CDK14: variants seen among roughly 807,000 people sequenced by gnomAD.
CDK14 encodes the protein cyclin dependent kinase 14.
Under a neutral mutation model 60.7 loss-of-function variants are expected in CDK14, and 34 were observed. The observed-to-expected ratio is 0.56, with a 90% CI of 0.43 to 0.75. The LOEUF is 0.75. CDK14 is among the 30% of genes least tolerant of loss of function. The pLI, the probability that CDK14 is intolerant of heterozygous loss-of-function variation, is 0.00. For missense variants in CDK14, 482 were observed against 564.1 expected, an observed-to-expected ratio of 0.85 and a Z score of 1.47; for synonymous variants, 197 against 203.7, an observed-to-expected ratio of 0.97 and a Z score of 0.28.
chr7:91,144,890 G>A (rs1800578619), intron 14 of CDK14, among the ~76,000 whole-genome samples: 2 of 152,156 alleles, frequency 1.3e-5, no homozygotes, highest in Admixed American at 6.5e-5. Flanking sequence ...AGACTTTTGG[G>A]TTATATCCTT....
At chr7:90,896,479 C>A (rs569782856) in intron 6 of CDK14, among the ~76,000 whole-genome samples, 50 of 151,942 alleles carry the variant, frequency 3.3e-4, no homozygotes, top group Non-Finnish European at 3.5e-4. Flanking sequence ...CTTCTTATTC[C>A]GAATTTTTAT....
At chr7:90,749,311 A>G (rs1344934234) in intron 4 of CDK14, among the ~76,000 whole-genome samples, 1 of 151,492 alleles carries the variant, frequency 6.6e-6, no homozygotes, top group African/African-American at 2.4e-5. Context: ...CTCCATGCCC[A>G]GTCAGATCTC....
chr7:90,644,467 G>A (rs1800416811), intron 2 of CDK14, among the ~76,000 whole-genome samples: 1 of 152,086 alleles, frequency 6.6e-6, no homozygotes, highest in South Asian at 2.1e-4. Flanking sequence ...GTGGATCCTT[G>A]TTGAGCTTAT....
intron 2 of CDK14, among the ~76,000 whole-genome samples, chr7:90,612,383 C>G (rs1179302431): frequency 2.6e-5 from 4 of 152,142 alleles, no homozygotes; most frequent in Non-Finnish European, 5.9e-5. Flanking sequence ...GACTCTTGAT[C>G]TAGTTCAGCC....
chr7:91,161,330 T>G (rs575656129), intron 14 of CDK14, among the ~76,000 whole-genome samples: 1 of 152,068 alleles, frequency 6.6e-6, no homozygotes, highest in East Asian at 1.9e-4. Context: ...TTTCTTAGAG[T>G]GGGATGTAAA....
chr7:90,802,746 A>G (rs1433875761), intron 5 of CDK14, among the ~76,000 whole-genome samples: 1 of 152,224 alleles, frequency 6.6e-6, no homozygotes, highest in Non-Finnish European at 1.5e-5. Context: ...AGAAGCAATC[A>G]AGGAATAATG....
chr7:91,159,788 C>G (rs1801110601), intron 14 of CDK14, among the ~76,000 whole-genome samples: 1 of 152,126 alleles, frequency 6.6e-6, no homozygotes. Context: ...ACAGGAGGTT[C>G]CCAATGCGAC....
At chr7:90,956,979 G>A (rs543662448) in intron 9 of CDK14, among the ~76,000 whole-genome samples, 2 of 151,316 alleles carry the variant, frequency 1.3e-5, no homozygotes, top group South Asian at 2.1e-4. Context: ...ATTCCATGGT[G>A]TATATGTGCC....
chr7:91,029,854 A>G (rs1025795498), intron 10 of CDK14, among the ~76,000 whole-genome samples: 1 of 152,166 alleles, frequency 6.6e-6, no homozygotes, highest in East Asian at 1.9e-4. Context: ...CATATCATTG[A>G]CAAAAAAACA....
chr7:90,911,559 G>T (rs934458259), intron 7 of CDK14, among the ~76,000 whole-genome samples: 2 of 152,066 alleles, frequency 1.3e-5, no homozygotes, highest in Admixed American at 6.6e-5. Context: ...AAATCTACAA[G>T]ATATTCACCA....
chr7:90,969,593 GA>G (rs1351104639), intron 9 of CDK14, among the ~76,000 whole-genome samples: 2 of 152,132 alleles, frequency 1.3e-5, no homozygotes, highest in Non-Finnish European at 2.9e-5. Context: ...CATATAAACA[GA>G]AATTAAAGAT....
rs2116434044 is a variant in CDK14, at chr7:90,639,392, A to T, written c.123+35143A>T. Reference sequence around the variant, plus strand: ...GTCTGTTGGAGTTTGCTAGAGGTCCACTCCAGACCCTGTTTGCCTGGGTAT... The same window carrying T: ...GTCTGTTGGAGTTTGCTAGAGGTCCTCTCCAGACCCTGTTTGCCTGGGTAT... On this transcript the variant is annotated intron_variant, in intron 2 of 14. Coordinates refer to ENST00000380050, the MANE Select transcript of CDK14 (RefSeq NM_001287135.2). Among the ~76,000 whole-genome samples, 2 of 151,928 alleles carry T rather than the reference A, an allele frequency of 1.3e-5. 1 individual carries two copies. Among genetic ancestry groups the T allele is most frequent in the South Asian group, 4.2e-4 (2 of 4,786 alleles).
chr7:91,166,721 GT>G (rs1801357816), intron 14 of CDK14, among the ~76,000 whole-genome samples: 1 of 152,138 alleles, frequency 6.6e-6, no homozygotes, highest in Non-Finnish European at 1.5e-5. Flanking sequence ...CTCAATTTCA[GT>G]TTTTGTCATT....
At chr7:90,992,791 T>G (rs903142953) in intron 10 of CDK14, among the ~76,000 whole-genome samples, 1 of 152,176 alleles carries the variant, frequency 6.6e-6, no homozygotes, top group Non-Finnish European at 1.5e-5. Flanking sequence ...GAAGTCATCC[T>G]TTATATGAAG....
intron 5 of CDK14, among the ~76,000 whole-genome samples, chr7:90,813,705 C>T (rs759470394): frequency 5.3e-5 from 8 of 151,592 alleles, no homozygotes; most frequent in African/African-American, 9.7e-5. Flanking sequence ...GCTGAGATCG[C>T]GCCACTACAC....
At chr7:90,923,929 A>G (rs1370332233) in intron 8 of CDK14, among the ~76,000 whole-genome samples, 2 of 152,232 alleles carry the variant, frequency 1.3e-5, no homozygotes, top group African/African-American at 4.8e-5. Context: ...ACAGTGGAAG[A>G]ATTAATAGGT....
intron 14 of CDK14, among the ~76,000 whole-genome samples, chr7:91,135,206 G>A (rs1800241461): frequency 6.6e-6 from 1 of 151,914 alleles, no homozygotes; most frequent in Non-Finnish European, 1.5e-5. Context: ...AAGAAAACTG[G>A]GGGACAGAGG....
At chr7:91,000,903 TTGTA>T (rs1456642127) in intron 10 of CDK14, among the ~76,000 whole-genome samples, 1 of 152,222 alleles carries the variant, frequency 6.6e-6, no homozygotes, top group Non-Finnish European at 1.5e-5. Context: ...TTATTCATAT[TTGTA>T]TGGTCTTCGC....
chr7:90,809,429 C>T (rs1788998309), intron 5 of CDK14, among the ~76,000 whole-genome samples: 1 of 152,004 alleles, frequency 6.6e-6, no homozygotes, highest in African/African-American at 2.4e-5. Context: ...CCAACGAGAA[C>T]AAAGACACTA....
Sources: gnomAD v4.1 joint callset for allele counts (sites outside exome capture counted in the v4.1 genomes callset) on GRCh38, gnomAD v4.1.1 for gene constraint, MANE v1.5 for transcripts, NCBI Gene and HGNC (gene_info 2026-07-23, HGNC 2026-07-21) for gene names.